The following RHCG variants were observed in gnomAD, a reference collection of about 807,000 sequenced individuals.
RHCG encodes ammonium transporter Rh type C.
A neutral mutation model predicts 55.3 loss-of-function variants in RHCG; 39 were observed. That is an observed-to-expected ratio of 0.70 (90% CI 0.55 to 0.92). The LOEUF is 0.92. Ranked by LOEUF, RHCG falls within the 40% of genes least tolerant of loss-of-function variation. The pLI, the probability that RHCG is intolerant of heterozygous loss-of-function variation, is 0.00. For synonymous variants in RHCG, 250 were observed against 246.8 expected (o/e 1.01, Z -0.12); for missense variants, 635 against 627.9 (o/e 1.01, Z -0.12).
At chr15:89,490,996 G>A (rs1415359965) in intron 1 of RHCG, among the ~76,000 whole-genome samples, 7 of 152,160 alleles carry the variant, frequency 4.6e-5, no homozygotes, top group Admixed American at 3.9e-4. Flanking sequence ...GGAGGTGGGA[G>A]GAGCCCCTGG....
At chr15:89,482,562 G>A (rs577104776) in intron 3 of RHCG, among the ~76,000 whole-genome samples, 2 of 152,284 alleles carry the variant, frequency 1.3e-5, no homozygotes, top group South Asian at 4.1e-4. Flanking sequence ...GGTCTAAGGT[G>A]CCTCTTATCT....
rs1961225238 is a variant in RHCG at position 89,479,507 on chromosome 15, C to T, written c.671-19G>A. The stretch of plus-strand genomic sequence containing the variant: ...AGGGTGCCTGGTCAGACCAGACAGG[C>T]CCAATGGGCCCGGGAGGAGAGGCAT... On this transcript the variant is annotated intron_variant, in intron 4 of 10. Coordinates refer to ENST00000268122, the MANE Select transcript of RHCG (RefSeq NM_016321.3). The T allele has an allele frequency of 6.3e-7, 1 of 1,598,134 alleles. No homozygotes were observed. Among genetic ancestry groups the T allele is most frequent in the Non-Finnish European group, 8.5e-7 (1 of 1,171,602 alleles).
chr15:89,487,098 T>C, intron 1 of RHCG, 113 bp from the exon 2 acceptor site: 2 of 972,742 alleles, frequency 2.1e-6, no homozygotes, highest in Non-Finnish European at 2.9e-6. Context: ...CACTGGCGCG[T>C]CTCCCTGCTC....
chr15:89,486,685 C>A, intron 2 of RHCG, 114 bp downstream of exon 2: 1 of 966,492 alleles, frequency 1.0e-6, no homozygotes, highest in African/African-American at 1.7e-5. Flanking sequence ...GAGGAGTTGC[C>A]CTCCAGCCTC....
chr15:89,475,866 C>T (rs932760036), intron 9 of RHCG, among the ~76,000 whole-genome samples: 2 of 152,208 alleles, frequency 1.3e-5, no homozygotes, highest in Non-Finnish European at 2.9e-5. Flanking sequence ...AAAACCGCTG[C>T]TCAAATACAG....
rs1185121357 is a variant in RHCG, at chr15:89,496,494, G to A, written c.51C>T (p.Leu17=). 1.2e-6 allele frequency: 2 copies of A among 1,613,632 alleles called. No individual in the cohort carries two copies. The highest frequency in any genetic ancestry group is 1.6e-4 in the Middle Eastern group (1 of 6,062). Residue 17 remains leucine, a synonymous_variant, in exon 1 of 11, where the codon CTC becomes CTT. Coordinates refer to ENST00000268122, the MANE Select transcript of RHCG (RefSeq NM_016321.3). ...AGAGAATCACCATAATCACCTGCAG[G>A]AGCAGGCAGGTGAGCGGCAGCCGCC... is the stretch of plus-strand genomic sequence containing the variant. ...LRWRLPLTCL[L]LQVIMVILFG...
intron 9 of RHCG, among the ~76,000 whole-genome samples, chr15:89,474,505 C>T (rs1961095543): frequency 1.3e-5 from 2 of 152,164 alleles, no homozygotes; most frequent in African/African-American, 4.8e-5. Context: ...GAGGGGAGTC[C>T]TGCCATCCTG....
intron 5 of RHCG, among the ~76,000 whole-genome samples, chr15:89,479,047 C>A (rs1202820270): frequency 7.6e-6 from 1 of 131,190 alleles, no homozygotes; most frequent in Non-Finnish European, 1.5e-5. Flanking sequence ...TTGCAGTGAG[C>A]CGAGATAGCG....
rs767687851 is a variant in RHCG at position 89,477,471 on chromosome 15, G to A, written c.1112+46C>T. 1 of 1,605,958 alleles carries A rather than the reference G, an allele frequency of 6.2e-7. No homozygotes were observed. Among genetic ancestry groups the A allele is most frequent in the East Asian group, 2.2e-5 (1 of 44,734 alleles). On this transcript the variant is annotated intron_variant, in intron 7 of 10. Transcript: ENST00000268122. This position sits in a 1 kb window ranked among gnomAD's most constrained non-coding sequence, Gnocchi z 4.5. ...GGAATAGCAGGAAGAAGGGATGGGA[G>A]AAGGAAGGGGGAAGCTCCATCCCAC...
Position 89,483,074 on chromosome 15 carries a change from A to G in RHCG, c.515T>C (p.Leu172Pro). Residue 172 changes from leucine (L) to proline (P), a missense_variant, in exon 3 of 11, where the codon CTG becomes CCG. Physicochemically the swap from Leu to Pro is moderately conservative, Grantham distance 98. Coordinates refer to ENST00000268122, the MANE Select transcript of RHCG (RefSeq NM_016321.3). ...FAVNEFILLN[L>P]LKVKDAGGSM... ...ATTCTGAGCCCTGCTCACCTTTAGC[A>G]GGTTAAGGAGAATGAACTCATTCAC... 1 of 1,582,092 alleles carries G rather than the reference A, an allele frequency of 6.3e-7. No individual in the cohort carries two copies. The highest frequency in any genetic ancestry group is 8.7e-7 in the Non-Finnish European group (1 of 1,154,464).
At chr15:89,478,262 CTG>C (rs1479751142) in intron 5 of RHCG, among the ~76,000 whole-genome samples, 1 of 152,238 alleles carries the variant, frequency 6.6e-6, no homozygotes, top group Non-Finnish European at 1.5e-5. Flanking sequence ...AACAAGCACA[CTG>C]TTGTTTTATG....
intron 1 of RHCG, among the ~76,000 whole-genome samples, chr15:89,490,287 C>T (rs145014307): frequency 7.0e-3 from 1,061 of 152,358 alleles, no homozygotes; most frequent in Non-Finnish European, 0.011. Context: ...GACCCCTCAG[C>T]TAGCAGCTAC....
chr15:89,474,978 A>C (rs1379032786), intron 9 of RHCG, among the ~76,000 whole-genome samples: 776 of 20,144 alleles, frequency 0.039, no homozygotes, highest in Middle Eastern at 0.045. Flanking sequence ...GCCTTCATTC[A>C]TTCCTGCCTG....
intron 2 of RHCG, among the ~76,000 whole-genome samples, chr15:89,484,083 G>C (rs888399701): frequency 3.8e-3 from 3 of 798 alleles, no homozygotes; most frequent in African/African-American, 0.013. Context: ...TGTTGATGGG[G>C]TGGGTGGGGG....
At position 89,479,436 on chromosome 15, in the gene RHCG, G is replaced by A. The variant is rs1961222631; in HGVS notation, c.723C>T (p.Tyr241=). The change falls in exon 5 of 11, where the codon TAC becomes TAT. Residue 241 remains tyrosine (Y), a synonymous_variant. Coordinates refer to ENST00000268122, the MANE Select transcript of RHCG (RefSeq NM_016321.3). ...YWPSFNSAIS[Y]HGDSQHRAAI... ...CGGCTCGGTGCTGGCTGTCCCCATG[G>A]TAGGATATGGCTGAGTTGAAGCTGG... 6.2e-7 allele frequency: 1 copy of A among 1,614,090 alleles called. No homozygotes were observed. The highest frequency in any genetic ancestry group is 8.5e-7 in the Non-Finnish European group (1 of 1,179,988).
intron 9 of RHCG, among the ~76,000 whole-genome samples, chr15:89,475,111 T>C (rs1961120592): frequency 6.7e-6 from 1 of 149,190 alleles, no homozygotes; most frequent in South Asian, 2.2e-4. Context: ...CATTCCTGCC[T>C]GCCTGCCTTC....
At chr15:89,475,204 T>G (rs1189152763) in intron 9 of RHCG, among the ~76,000 whole-genome samples, 21 of 148,620 alleles carry the variant, frequency 1.4e-4, no homozygotes, top group African/African-American at 4.4e-4. Flanking sequence ...CTTCCTTCTT[T>G]CCTTCCTTCC....
At chr15:89,480,220 C>G in intron 4 of RHCG, 41 bp downstream of exon 4, 2 of 1,612,068 alleles carry the variant, frequency 1.2e-6, no homozygotes, top group Non-Finnish European at 1.7e-6. Flanking sequence ...TGGCCACCTT[C>G]ACCCATCATG....
At chr15:89,490,137 C>T (rs1185059263) in intron 1 of RHCG, among the ~76,000 whole-genome samples, 2 of 152,238 alleles carry the variant, frequency 1.3e-5, no homozygotes, top group Non-Finnish European at 2.9e-5. Flanking sequence ...CGCCTCCCAC[C>T]AGGAGGGCTG....
Sources: allele counts gnomAD v4.1 joint callset (sites outside exome capture counted in the v4.1 genomes callset), GRCh38; gene constraint gnomAD v4.1.1; non-coding constraint Gnocchi (gnomAD v3.1); transcripts MANE v1.5; gene names NCBI Gene and HGNC (gene_info 2026-07-23, HGNC 2026-07-21).